Variants in HS2ST1 observed in about 807,000 individuals in gnomAD.
HS2ST1 encodes the protein heparan sulfate 2-O-sulfotransferase 1.
In HS2ST1, 18 loss-of-function variants were observed where a neutral mutation model predicts 42.9. That is an observed-to-expected ratio of 0.42 (90% CI 0.29 to 0.62). The LOEUF is 0.62. Ranked by LOEUF, HS2ST1 falls within the 20% of genes least tolerant of loss-of-function variation. HS2ST1 has a pLI of 0.21. For synonymous variants in HS2ST1, 146 were observed against 152.9 expected (o/e 0.95, Z 0.33); for missense variants, 334 against 433.8 (o/e 0.77, Z 2.04).
At chr1:86,919,076 C>T (rs558392051) in intron 1 of HS2ST1, among the ~76,000 whole-genome samples, 7 of 151,752 alleles carry the variant, frequency 4.6e-5, no homozygotes, top group Admixed American at 1.3e-4. Flanking sequence ...TCCCAAGTAG[C>T]GGGGATTGCA....
chr1:86,998,404 C>T (rs1649168150), intron 1 of HS2ST1, among the ~76,000 whole-genome samples: 1 of 152,158 alleles, frequency 6.6e-6, no homozygotes, highest in African/African-American at 2.4e-5. Context: ...ATATGCTTGT[C>T]TAAGTCAATA....
chr1:86,983,309 T>C (rs1471288973), intron 1 of HS2ST1, among the ~76,000 whole-genome samples: 1 of 152,212 alleles, frequency 6.6e-6, no homozygotes, highest in Non-Finnish European at 1.5e-5. Flanking sequence ...GAAAGAGGGT[T>C]AATTGTCTCT....
chr1:86,963,655 CAGTG>C (rs1186846072), intron 1 of HS2ST1, among the ~76,000 whole-genome samples: 1 of 146,978 alleles, frequency 6.8e-6, no homozygotes, highest in Non-Finnish European at 1.5e-5. Flanking sequence ...GGCCCGTTCT[CAGTG>C]AGCTGTTGGG....
chr1:86,926,951 A>G (rs1284348754), intron 1 of HS2ST1, among the ~76,000 whole-genome samples: 1 of 152,176 alleles, frequency 6.6e-6, no homozygotes, highest in East Asian at 1.9e-4. Context: ...TTCTGATTTT[A>G]AGAAACCAGG....
chr1:86,963,630 C>G (rs1048014500), intron 1 of HS2ST1, among the ~76,000 whole-genome samples: 1 of 152,160 alleles, frequency 6.6e-6, no homozygotes, highest in African/African-American at 2.4e-5. Context: ...TCAACAAAAC[C>G]GCCATCGTCA....
chr1:86,927,723 G>A (rs1360518059), intron 1 of HS2ST1, among the ~76,000 whole-genome samples: 2 of 152,072 alleles, frequency 1.3e-5, no homozygotes, highest in Non-Finnish European at 2.9e-5. Flanking sequence ...AGGTTAAGTG[G>A]CTATGCAAGT....
intron 1 of HS2ST1, among the ~76,000 whole-genome samples, chr1:87,008,968 C>G (rs1649516990): frequency 6.6e-6 from 1 of 152,092 alleles, no homozygotes; most frequent in African/African-American, 2.4e-5. Context: ...CTCAGCCTCC[C>G]AAGTAGCTGG....
intron 1 of HS2ST1, among the ~76,000 whole-genome samples, chr1:87,066,838 C>T (rs1210141036): frequency 6.6e-6 from 1 of 151,692 alleles, no homozygotes; most frequent in Non-Finnish European, 1.5e-5. Flanking sequence ...GTTTTCTGTT[C>T]TTGTTAGTTT....
chr1:87,040,953 G>A (rs937096776), intron 1 of HS2ST1, among the ~76,000 whole-genome samples: 1 of 152,094 alleles, frequency 6.6e-6, no homozygotes, highest in African/African-American at 2.4e-5. Flanking sequence ...CAGGGTTATT[G>A]AAGGAATTTA....
intron 1 of HS2ST1, among the ~76,000 whole-genome samples, chr1:86,915,833 A>G (rs1660142241): frequency 6.6e-6 from 1 of 152,178 alleles, no homozygotes; most frequent in Non-Finnish European, 1.5e-5. Flanking sequence ...TAGTGGCGCT[A>G]AACTGATGAA....
At chr1:86,976,595 A>C (rs12737567) in intron 1 of HS2ST1, among the ~76,000 whole-genome samples, 1 of 151,596 alleles carries the variant, frequency 6.6e-6, no homozygotes, top group African/African-American at 2.4e-5. Context: ...TGACAAATTC[A>C]ATGAATAACA....
intron 1 of HS2ST1, among the ~76,000 whole-genome samples, chr1:87,049,871 G>C (rs1268676454): frequency 6.6e-6 from 1 of 151,962 alleles, no homozygotes; most frequent in Non-Finnish European, 1.5e-5. Flanking sequence ...AATTATACTT[G>C]CAGATTTGTC....
At chr1:86,931,572 TAAC>T (rs1229192921) in intron 1 of HS2ST1, among the ~76,000 whole-genome samples, 2 of 152,048 alleles carry the variant, frequency 1.3e-5, no homozygotes, top group African/African-American at 4.8e-5. Context: ...TATTAAATAA[TAAC>T]AAGGATAGTT....
intron 1 of HS2ST1, among the ~76,000 whole-genome samples, chr1:87,000,106 T>TAA (rs140124849): frequency 1.9e-4 from 28 of 148,800 alleles, no homozygotes; most frequent in South Asian, 2.1e-4. Flanking sequence ...CTTGACTCAT[T>TAA]AAAAAAAAAA....
intron 1 of HS2ST1, among the ~76,000 whole-genome samples, chr1:87,054,315 TTTTTAA>T (rs1260867606): frequency 2.0e-5 from 3 of 152,140 alleles, no homozygotes; most frequent in Non-Finnish European, 2.9e-5. Flanking sequence ...TTTTGTTTGT[TTTTTAA>T]AAAGCAGACT....
intron 3 of HS2ST1, among the ~76,000 whole-genome samples, chr1:87,086,600 A>T (rs1172449748): frequency 6.6e-6 from 1 of 152,180 alleles, no homozygotes; most frequent in East Asian, 1.9e-4. Context: ...TAAGATAGAG[A>T]AATAAAAAAT....
intron 1 of HS2ST1, among the ~76,000 whole-genome samples, chr1:87,046,941 C>T (rs1366185888): frequency 1.3e-5 from 2 of 151,056 alleles, no homozygotes; most frequent in Non-Finnish European, 2.9e-5. Flanking sequence ...CTCCTGACCG[C>T]AGGTGATCCA....
chr1:86,995,566 A>G (rs1649073382), intron 1 of HS2ST1, among the ~76,000 whole-genome samples: 1 of 152,180 alleles, frequency 6.6e-6, no homozygotes, highest in African/African-American at 2.4e-5. Context: ...AGAGGAAATG[A>G]AATTTTTTTT....
intron 1 of HS2ST1, among the ~76,000 whole-genome samples, chr1:87,014,758 G>T (rs1247744625): frequency 6.6e-6 from 1 of 152,166 alleles, no homozygotes; most frequent in Non-Finnish European, 1.5e-5. Context: ...CAACACATCT[G>T]CCCAGCAACT....
Sources: allele counts gnomAD v4.1 joint callset (sites outside exome capture counted in the v4.1 genomes callset), GRCh38; gene constraint gnomAD v4.1.1; transcripts MANE v1.5; gene names NCBI Gene and HGNC (gene_info 2026-07-23, HGNC 2026-07-21).